OXCT1: variants seen among roughly 807,000 people sequenced by gnomAD.
OXCT1 encodes the protein succinyl-CoA:3-ketoacid coenzyme A transferase 1, mitochondrial.
OXCT1 carries 27 observed loss-of-function variants against 69.6 expected under a neutral mutation model. The observed-to-expected ratio is 0.39, with a 90% CI of 0.29 to 0.54. OXCT1 has a LOEUF of 0.54. Among genes scored for constraint, OXCT1 ranks in the 20% least tolerant of loss-of-function variants. The probability of loss-of-function intolerance (pLI) is 0.72; values close to 1 mark genes in which losing one functional copy is unlikely to be tolerated. For missense variants in OXCT1, 437 were observed against 650.2 expected (o/e 0.67, Z 3.57); for synonymous variants, 202 against 217.8 (o/e 0.93, Z 0.64).
intron 13 of OXCT1, among the ~76,000 whole-genome samples, chr5:41,788,215 T>C (rs1030711098): frequency 3.9e-5 from 6 of 152,114 alleles, no homozygotes; most frequent in African/African-American, 1.4e-4. Context: ...ATGTATATGG[T>C]AGACCCTAGA....
intron 3 of OXCT1, among the ~76,000 whole-genome samples, chr5:41,858,727 C>G (rs1749572404): frequency 1.3e-5 from 2 of 152,074 alleles, no homozygotes; most frequent in South Asian, 4.1e-4. Context: ...CAATTCTTGT[C>G]AAAATAAGAT....
At chr5:41,780,195 A>C (rs1410812148) in intron 13 of OXCT1, among the ~76,000 whole-genome samples, 19 of 152,226 alleles carry the variant, frequency 1.2e-4, no homozygotes, top group Admixed American at 1.0e-3. Flanking sequence ...AATGCAAATT[A>C]ACAAAATTGC....
Position 41,803,159 on chromosome 5 carries a change from ATTAGCTGGAAAAAAAAGATGTT to A in OXCT1, c.956-18_959del. 6.2e-7 allele frequency: 1 copy of A among 1,603,898 alleles called. No individual in the cohort carries two copies. ...CCAGGAGAGGGATTCCTATGCCCAA[ATTAGCTGGAAAAAAAAGATGTT>A]AAGGTCCAGCATATAAAAGGTAGAG... On this transcript the variant is annotated splice_acceptor_variant and splice_polypyrimidine_tract_variant and coding_sequence_variant and intron_variant, in exon 10 of 17. Transcript: ENST00000196371. LOFTEE classifies it high-confidence loss of function.
chr5:41,798,909 G>A (rs13177937), intron 11 of OXCT1, among the ~76,000 whole-genome samples: 28,274 of 152,048 alleles, frequency 0.19, 2,822 homozygotes, highest in Middle Eastern at 0.29. Flanking sequence ...GACTGGGTAT[G>A]AACTCAGTCC....
chr5:41,795,346 G>T (rs1281958349), intron 11 of OXCT1, among the ~76,000 whole-genome samples: 1 of 152,054 alleles, frequency 6.6e-6, no homozygotes, highest in Non-Finnish European at 1.5e-5. Context: ...CAGGGGTTAG[G>T]GACCCCTGTT....
In OXCT1 at chr5:41,730,075, T is replaced by C. The variant is rs1308963409; in HGVS notation, c.*1654A>G. 1.3e-5 allele frequency: 2 copies of C among 152,240 alleles called. No homozygotes were observed. Among genetic ancestry groups the C allele is most frequent in the Non-Finnish European group, 2.9e-5 (2 of 68,038 alleles). 9.4% of individuals were successfully genotyped at this position (152,240 alleles called of 1,614,324 possible). Reference sequence around the variant, plus strand: ...ACAGTCACACTGATCTACATCACTTTAGAATATTTATTGTATTCCTTAATG... The same window carrying C: ...ACAGTCACACTGATCTACATCACTTCAGAATATTTATTGTATTCCTTAATG... On this transcript the variant is annotated 3_prime_UTR_variant, in exon 17 of 17. Transcript: ENST00000196371.
rs754066079 is a variant in OXCT1, at chr5:41,870,269, C to T, written c.78+12G>A. The T allele has an allele frequency of 1.1e-5, 18 of 1,610,408 alleles. No individual in the cohort carries two copies. The East Asian group carries it at 3.3e-4, about 30-fold the overall frequency. On this transcript the variant is annotated intron_variant, in intron 1 of 16. Coordinates refer to ENST00000196371, the MANE Select transcript of OXCT1 (RefSeq NM_000436.4). This position sits in a 1 kb window ranked among gnomAD's most constrained non-coding sequence, Gnocchi z 4.2. ...TTCCTGCCCATGGCCTTCCTCTTCC[C>T]CCGCACTTTACCTTGTACCAGGTTG...
intron 3 of OXCT1, among the ~76,000 whole-genome samples, chr5:41,856,050 T>A (rs571428205): frequency 1.1e-4 from 17 of 152,226 alleles, no homozygotes; most frequent in Non-Finnish European, 2.4e-4. Flanking sequence ...GCAGGACCAG[T>A]TGTGATCAGC....
chr5:41,815,743 A>C (rs960704671), intron 7 of OXCT1, among the ~76,000 whole-genome samples: 12 of 152,194 alleles, frequency 7.9e-5, no homozygotes, highest in African/African-American at 2.4e-4. Flanking sequence ...ATATACCCCA[A>C]GGAAAACAGG....
chr5:41,796,178 T>C (rs1189016533), intron 11 of OXCT1, among the ~76,000 whole-genome samples: 7 of 152,190 alleles, frequency 4.6e-5, no homozygotes, highest in Non-Finnish European at 8.8e-5. Flanking sequence ...GAAAAGATTT[T>C]CAAGGTCATC....
chr5:41,741,410 C>A (rs577999781), intron 15 of OXCT1, among the ~76,000 whole-genome samples: 1 of 152,272 alleles, frequency 6.6e-6, no homozygotes, highest in African/African-American at 2.4e-5. Context: ...AACTGTTATG[C>A]AACCTTTAGT....
intron 13 of OXCT1, among the ~76,000 whole-genome samples, chr5:41,793,631 T>C (rs571440288): frequency 6.6e-6 from 1 of 152,362 alleles, no homozygotes; most frequent in South Asian, 2.1e-4. Context: ...ATTAGCAAAG[T>C]TAATTAACAA....
chr5:41,733,542 T>A (rs1742744598), intron 16 of OXCT1, among the ~76,000 whole-genome samples: 1 of 152,182 alleles, frequency 6.6e-6, no homozygotes, highest in South Asian at 2.1e-4. Context: ...CCACCGTGCC[T>A]GGCCCAATTT....
At chr5:41,850,408 G>A (rs1443125454) in intron 4 of OXCT1, among the ~76,000 whole-genome samples, 5 of 152,034 alleles carry the variant, frequency 3.3e-5, no homozygotes, top group Admixed American at 2.0e-4. Flanking sequence ...CCGCTTATTT[G>A]TATAGTCATG....
intron 7 of OXCT1, among the ~76,000 whole-genome samples, chr5:41,814,373 T>A (rs1283412563): frequency 6.6e-6 from 1 of 152,064 alleles, no homozygotes; most frequent in Non-Finnish European, 1.5e-5. Context: ...ACAAAGACTA[T>A]TAAACATGAC....
At chr5:41,829,379 G>A (rs2112358520) in intron 7 of OXCT1, among the ~76,000 whole-genome samples, 1 of 152,174 alleles carries the variant, frequency 6.6e-6, no homozygotes. Context: ...CATCAAGAAA[G>A]GGGGATATAT....
intron 15 of OXCT1, among the ~76,000 whole-genome samples, chr5:41,747,538 A>T (rs1409941840): frequency 6.6e-6 from 1 of 152,114 alleles, no homozygotes; most frequent in African/African-American, 2.4e-5. Flanking sequence ...AAGTACAAAG[A>T]TTCAGAGAAG....
chr5:41,815,918 C>T (rs1444065562), intron 7 of OXCT1, among the ~76,000 whole-genome samples: 1 of 152,094 alleles, frequency 6.6e-6, no homozygotes, highest in Admixed American at 6.6e-5. Context: ...AGACTATTTC[C>T]AAATGTTACT....
chr5:41,754,383 A>G (rs72746928), intron 14 of OXCT1, among the ~76,000 whole-genome samples: 9,009 of 152,172 alleles, frequency 0.059, 302 homozygotes, highest in African/African-American at 0.087. Context: ...TACAAAATAC[A>G]TGACTGTCAC....
Sources: gnomAD v4.1 joint callset for allele counts (sites outside exome capture counted in the v4.1 genomes callset) on GRCh38, gnomAD v4.1.1 for gene constraint, Gnocchi (gnomAD v3.1) non-coding constraint, MANE v1.5 for transcripts, NCBI Gene and HGNC (gene_info 2026-07-23, HGNC 2026-07-21) for gene names.